TLK1: variants seen among roughly 807,000 people sequenced by gnomAD.
The protein encoded by TLK1 is tousled like kinase 1.
TLK1 carries 24 observed loss-of-function variants against 105.3 expected under a neutral mutation model. The ratio of observed to expected loss-of-function variants is 0.23; its 90% CI spans 0.17 to 0.32. The LOEUF (loss-of-function observed/expected upper bound fraction) is 0.32, where lower values mean the gene tolerates loss of function less well. Ranked by LOEUF, TLK1 falls within the 10% of genes least tolerant of loss-of-function variation. The pLI is 1.00. For synonymous variants in TLK1, 321 were observed against 310.4 expected (o/e 1.03, Z -0.36); for missense variants, 558 against 910.5 (o/e 0.61, Z 4.98).
At chr2:171,138,034 A>T (rs1000947391) in intron 1 of TLK1, among the ~76,000 whole-genome samples, 7 of 152,128 alleles carry the variant, frequency 4.6e-5, no homozygotes, top group Admixed American at 2.0e-4. Context: ...GCATCCTATA[A>T]AAGTTAAATT....
At chr2:171,020,059 C>G (rs1685417495) in intron 12 of TLK1, among the ~76,000 whole-genome samples, 1 of 67,826 alleles carries the variant, frequency 1.5e-5, no homozygotes, top group African/African-American at 3.3e-5. Context: ...AAGACTCCGT[C>G]TCAGAAAAAA....
intron 2 of TLK1, among the ~76,000 whole-genome samples, chr2:171,093,329 G>A (rs1258715349): frequency 6.6e-6 from 1 of 152,118 alleles, no homozygotes; most frequent in African/African-American, 2.4e-5. Context: ...GGACACAGGA[G>A]GTCCACCAGA....
chr2:171,072,929 GA>G (rs11387073), intron 3 of TLK1, among the ~76,000 whole-genome samples: 6,885 of 123,418 alleles, frequency 0.056, 416 homozygotes, highest in African/African-American at 0.17. Flanking sequence ...ACTCTGTCTC[GA>G]AAAAAAAAAA....
rs190186974 is a variant in TLK1 at position 171,097,879 on chromosome 2, C to T, written c.259-15027G>A. ...GGCGGAGGCTGCAGTGAGCCAAGAT[C>T]GCATTACTGCATTTCAGCTTGGGTG... is the stretch of plus-strand genomic sequence containing the variant. On this transcript the variant is annotated intron_variant, in intron 2 of 20. Transcript: ENST00000431350. Among the ~76,000 whole-genome samples, 525 of 150,656 alleles carry T rather than the reference C, an allele frequency of 3.5e-3. 6 individuals are homozygous for T. The highest frequency in any genetic ancestry group is 0.012 in the African/African-American group (487 of 40,982).
intron 1 of TLK1, chr2:171,159,768 A>G (rs1304049894): frequency 6.5e-6 from 1 of 152,726 alleles, no homozygotes; most frequent in Non-Finnish European, 1.5e-5. Context: ...CTCTCCCCAA[A>G]GGAGAAACCC....
chr2:171,050,015 A>AAAGGGGCTAATG, intron 9 of TLK1, 49 bp downstream of exon 9: 1 of 1,609,948 alleles, frequency 6.2e-7, no homozygotes, highest in Non-Finnish European at 8.5e-7. Flanking sequence ...ATACAAAGCA[A>AAAGGGGCTAATG]AAGGGGCTAA....
chr2:171,041,688 C>G (rs554233660), intron 11 of TLK1, among the ~76,000 whole-genome samples: 1 of 152,286 alleles, frequency 6.6e-6, no homozygotes, highest in Admixed American at 6.5e-5. Context: ...AGCCCCCACC[C>G]CAGCCCATGA....
intron 1 of TLK1, among the ~76,000 whole-genome samples, chr2:171,220,509 G>C (rs1693789020): frequency 6.6e-6 from 1 of 152,140 alleles, no homozygotes; most frequent in African/African-American, 2.4e-5. Context: ...CATCATGTGG[G>C]GACACTCAAG....
intron 11 of TLK1, among the ~76,000 whole-genome samples, chr2:171,045,030 T>C (rs528711472): frequency 1.3e-5 from 2 of 151,994 alleles, no homozygotes; most frequent in East Asian, 3.9e-4. Flanking sequence ...GGATTTGTAA[T>C]TGAGGGAGAG....
chr2:171,203,710 T>C lies in TLK1; in HGVS notation c.-6+27435A>G, dbSNP rs181805590. Among the ~76,000 whole-genome samples, 110 of 152,298 alleles carry C rather than the reference T, an allele frequency of 7.2e-4. 1 individual carries two copies. Among genetic ancestry groups the C allele is most frequent in the Non-Finnish European group, 1.4e-3 (97 of 68,032 alleles). On this transcript the variant is annotated intron_variant, in intron 1 of 20. Coordinates refer to the TLK1 transcript ENST00000521943. ...ATCAGAGGAAATTTGACAGTGTTAT[T>C]AAAGTTACTACAGGTTGGTAATCAA...
intron 1 of TLK1, among the ~76,000 whole-genome samples, chr2:171,167,386 C>A (rs145011739): frequency 1.3e-5 from 2 of 152,148 alleles, no homozygotes; most frequent in East Asian, 1.9e-4. Flanking sequence ...TAGATCAGAG[C>A]TCTTAAGATG....
chr2:171,115,928 G>A (rs1389789023), intron 2 of TLK1, among the ~76,000 whole-genome samples: 1 of 152,160 alleles, frequency 6.6e-6, no homozygotes, highest in East Asian at 1.9e-4. Context: ...ACAAAGAGAT[G>A]TACAAGGTAA....
intron 1 of TLK1, among the ~76,000 whole-genome samples, chr2:171,228,912 T>C (rs1693944629): frequency 6.6e-6 from 1 of 152,212 alleles, no homozygotes; most frequent in South Asian, 2.1e-4. Context: ...ACTCTGCCAA[T>C]TGGCCTCCCT....
Position 171,098,318 on chromosome 2 carries a change from G to A in TLK1, c.259-15466C>T, listed in dbSNP as rs146356398. Among the ~76,000 whole-genome samples the A allele has an allele frequency of 7.4e-4, 113 of 152,178 alleles. 1 individual carries two copies. The East Asian group carries it at 0.021, about 28-fold the overall frequency. ...TAATTATCTTAATAGTGTTAATCAT[G>A]TCACAATATATATGTATATCAAAAC... On this transcript the variant is annotated intron_variant, in intron 2 of 20. Coordinates refer to ENST00000431350, the MANE Select transcript of TLK1 (RefSeq NM_012290.5).
intron 11 of TLK1, among the ~76,000 whole-genome samples, chr2:171,041,095 TGTAA>T (rs900745709): frequency 2.2e-4 from 34 of 152,170 alleles, no homozygotes; most frequent in African/African-American, 5.6e-4. Context: ...GGAAAATCAA[TGTAA>T]GTGTCAACAG....
intron 20 of TLK1, among the ~76,000 whole-genome samples, chr2:170,994,538 CAA>C (rs11397597): frequency 7.7e-6 from 1 of 129,438 alleles, no homozygotes; most frequent in Non-Finnish European, 1.7e-5. Flanking sequence ...TAGCCTCTTA[CAA>C]AAAAAAAAAA....
intron 1 of TLK1, among the ~76,000 whole-genome samples, chr2:171,198,865 G>A (rs1693327582): frequency 6.6e-6 from 1 of 152,136 alleles, no homozygotes; most frequent in African/African-American, 2.4e-5. Context: ...CAATTTTAAA[G>A]TAAGTTTTAT....
At chr2:171,089,582 T>C (rs1689136263) in intron 2 of TLK1, among the ~76,000 whole-genome samples, 1 of 152,244 alleles carries the variant, frequency 6.6e-6, no homozygotes, top group South Asian at 2.1e-4. Flanking sequence ...AAGTTACTAT[T>C]TACAGATGGG....
At chr2:171,074,800 G>A (rs1688428490) in intron 3 of TLK1, among the ~76,000 whole-genome samples, 1 of 152,008 alleles carries the variant, frequency 6.6e-6, no homozygotes, top group Non-Finnish European at 1.5e-5. Flanking sequence ...ACATATTTTA[G>A]AAAATAATTT....
Sources: allele counts gnomAD v4.1 joint callset (sites outside exome capture counted in the v4.1 genomes callset), GRCh38; gene constraint gnomAD v4.1.1; transcripts MANE v1.5; gene names NCBI Gene and HGNC (gene_info 2026-07-23, HGNC 2026-07-21).